NTRK1: variants seen among roughly 807,000 people sequenced by gnomAD.
NTRK1 encodes the protein neurotrophic receptor tyrosine kinase 1.
In NTRK1, 62 loss-of-function variants were observed where a neutral mutation model predicts 86.8. That is an observed-to-expected ratio of 0.71 (90% CI 0.58 to 0.88). The LOEUF (loss-of-function observed/expected upper bound fraction) is 0.88, where lower values mean the gene tolerates loss of function less well. NTRK1 is among the 40% of genes least tolerant of loss of function. NTRK1 has a pLI of 0.00. For missense variants in NTRK1, 967 were observed against 1,078.4 expected (o/e 0.90, Z 1.45); for synonymous variants, 469 against 456.6 (o/e 1.03, Z -0.35).
chr1:156,822,430 G>A (rs889168259), intron 1 of NTRK1, among the ~76,000 whole-genome samples: 1 of 152,082 alleles, frequency 6.6e-6, no homozygotes, highest in African/African-American at 2.4e-5. Flanking sequence ...ATATGGTGGT[G>A]TGCTACTTGT....
intron 1 of NTRK1, among the ~76,000 whole-genome samples, chr1:156,863,973 T>C (rs533085087): frequency 1.4e-4 from 22 of 152,314 alleles, no homozygotes; most frequent in Non-Finnish European, 2.6e-4. Flanking sequence ...GGTGAGCGTG[T>C]TCCTGCAGGC....
At chr1:156,880,780 C>T (rs115590727) in intron 16 of NTRK1, among the ~76,000 whole-genome samples, 2,303 of 152,224 alleles carry the variant, frequency 0.015, 56 homozygotes, top group African/African-American at 0.053. Context: ...GAATTAGTGC[C>T]GCCCATAACC....
intron 1 of NTRK1, chr1:156,840,586 A>G: frequency 4.2e-6 from 2 of 471,048 alleles, no homozygotes; most frequent in East Asian, 3.9e-5. Flanking sequence ...TCCTAGTCTG[A>G]GTGGGGTCCC....
At chr1:156,858,678 A>T, upstream of NTRK1, 1 of 1,475,674 alleles carries the variant, frequency 6.8e-7, no homozygotes, top group Non-Finnish European at 9.5e-7. Flanking sequence ...CTCTGGGGAG[A>T]ACGGTGTGAT....
At chr1:156,841,549 C>T in intron 1 of NTRK1, 1 of 1,614,002 alleles carries the variant, frequency 6.2e-7, no homozygotes, top group South Asian at 1.1e-5. Context: ...GCAGGAGCTC[C>T]TGAGCCCAGC....
At chr1:156,868,027 C>T in intron 4 of NTRK1, 77 bp from the exon 5 acceptor site, 1 of 1,552,300 alleles carries the variant, frequency 6.4e-7, no homozygotes, top group Non-Finnish European at 8.9e-7. Context: ...CTCCCTGCTG[C>T]CTAACTGCTC....
chr1:156,861,802 G>C (rs370477563), intron 1 of NTRK1, among the ~76,000 whole-genome samples: 2 of 152,116 alleles, frequency 1.3e-5, no homozygotes, highest in Admixed American at 1.3e-4. Context: ...TACCTGGGGC[G>C]GGGAGTCAGG....
intron 2 of NTRK1, chr1:156,846,484 C>T (rs771276869): frequency 3.9e-5 from 59 of 1,513,586 alleles, no homozygotes; most frequent in South Asian, 2.6e-4. Flanking sequence ...TGGATGCAGG[C>T]GTCTGACTGA....
At chr1:156,844,261 C>G (rs372329556) in intron 2 of NTRK1, 5 of 1,612,890 alleles carry the variant, frequency 3.1e-6, no homozygotes, top group Non-Finnish European at 4.2e-6. Flanking sequence ...GGACATGCAG[C>G]CCCCCAGCAT....
intron 6 of NTRK1, among the ~76,000 whole-genome samples, chr1:156,871,032 T>C (rs1352635743): frequency 6.6e-6 from 1 of 152,234 alleles, no homozygotes; most frequent in African/African-American, 2.4e-5. Context: ...CATCTCTTTG[T>C]TTCTGATCTT....
chr1:156,840,904 C>T, intron 1 of NTRK1: 3 of 1,613,946 alleles, frequency 1.9e-6, no homozygotes, highest in Non-Finnish European at 2.5e-6. Flanking sequence ...TTGAGGGCTG[C>T]AGTCTCTTGG....
At chr1:156,867,501 T>A (rs1655991634) in intron 4 of NTRK1, among the ~76,000 whole-genome samples, 1 of 152,190 alleles carries the variant, frequency 6.6e-6, no homozygotes, top group African/African-American at 2.4e-5. Context: ...ATTTTTACGT[T>A]ATTTTTTCTT....
Position 156,861,065 on chromosome 1 carries a change from G to A in NTRK1, c.131G>A (p.Gly44Asp), listed in dbSNP as rs1655622492. 2 of 1,568,562 alleles carry A rather than the reference G, an allele frequency of 1.3e-6. No homozygotes were observed. The highest frequency in any genetic ancestry group is 2.3e-5 in the East Asian group (1 of 43,106). The change falls in exon 1 of 17, where the codon GGC becomes GAC. Residue 44 changes from glycine to aspartate, a missense_variant. Gly to Asp is a moderately conservative substitution (Grantham distance 94). Coordinates refer to ENST00000524377, the MANE Select transcript of NTRK1 (RefSeq NM_002529.4). ...APCPDACCPH[G>D]SSGLRCTRDG... Reference sequence around the variant, plus strand: ...TGCCCCGATGCCTGCTGCCCCCACGGCTCCTCGGGACTGCGATGCACCCGG... The same window carrying A: ...TGCCCCGATGCCTGCTGCCCCCACGACTCCTCGGGACTGCGATGCACCCGG...
At chr1:156,835,911 C>T (rs527282379) in intron 1 of NTRK1, among the ~76,000 whole-genome samples, 4 of 152,350 alleles carry the variant, frequency 2.6e-5, no homozygotes, top group African/African-American at 9.6e-5. Flanking sequence ...TTGCCGCCAT[C>T]TAGGGAGGGT....
At position 156,851,820 on chromosome 1, in the gene NTRK1, G is replaced by A. The variant is rs754331636; in HGVS notation, c.50+9627G>A. On this transcript the variant is annotated intron_variant, in intron 2 of 16. Transcript: ENST00000392302. ...GGAGCAAGCAGATGTCCTGAGCCTT[G>A]GACCAGTTTGGGCCTCCTCAGGCCT... 2.5e-6 allele frequency: 4 copies of A among 1,591,954 alleles called. No individual in the cohort carries two copies. In the East Asian group the frequency reaches 9.0e-5, roughly 36 times the overall value.
In NTRK1 at chr1:156,868,592, G is replaced by T. The variant is rs369478563; in HGVS notation, c.662G>T (p.Gly221Val). ...CTGCGGTGCCAGGTGGAGGGGCGGGGCCTGGAGCAGGCCGGCTGGATCCTC... is the reference window on the plus strand; with the variant it reads ...CTGCGGTGCCAGGTGGAGGGGCGGGTCCTGGAGCAGGCCGGCTGGATCCTC... Reference protein sequence around the residue: ...VLLRCQVEGRGLEQAGWILTE... With the variant: ...VLLRCQVEGRVLEQAGWILTE... The change falls in exon 6 of 17, where the codon GGC becomes GTC. Residue 221 changes from glycine to valine, a missense_variant. Physicochemically the swap from Gly to Val is moderately radical, Grantham distance 109. This residue lies in a region of NTRK1 where 330 missense variants were observed against 302.0 expected (regional missense o/e 1.09). Coordinates refer to ENST00000524377, the MANE Select transcript of NTRK1 (RefSeq NM_002529.4). 2.2e-5 allele frequency: 34 copies of T among 1,551,642 alleles called. No homozygotes were observed. The highest frequency in any genetic ancestry group is 2.7e-5 in the Non-Finnish European group (31 of 1,147,360).
rs149663928 is a variant in NTRK1, at chr1:156,879,159, G to T, written c.1843G>T (p.Glu615Ter). 1.2e-6 allele frequency: 2 copies of T among 1,613,860 alleles called. No individual in the cohort carries two copies. Among genetic ancestry groups the T allele is most frequent in the Non-Finnish European group, 1.7e-6 (2 of 1,179,836 alleles). The change falls in exon 15 of 17, where the codon GAG becomes TAG. Residue 615 changes from glutamate to a stop codon, truncating the protein, a stop_gained. Transcript: ENST00000524377. LOFTEE classifies it high-confidence loss of function. ...TGATGCCAAGCTGCTGGCTGGTGGG[G>T]AGGATGTGGCTCCAGGCCCCCTGGG... ...GPDAKLLAGG[E>*]DVAPGPLGLG...
chr1:156,874,490 C>T (rs1227164549), intron 9 of NTRK1, 81 bp from the exon 10 acceptor site: 2 of 1,611,336 alleles, frequency 1.2e-6, no homozygotes, highest in Middle Eastern at 3.3e-4. Flanking sequence ...CCCTGAGAGA[C>T]CAGCTGGGGC....
rs753234191 is a variant in NTRK1, at chr1:156,873,970, C to T, written c.1177+11C>T. On this transcript the variant is annotated intron_variant, in intron 8 of 16. Transcript: ENST00000524377. ...AGGACCCCATCCCTGGTGCGAGGGCCATCCTGAACCCTGCCCCCACTCCTG... is the reference window on the plus strand; with the variant it reads ...AGGACCCCATCCCTGGTGCGAGGGCTATCCTGAACCCTGCCCCCACTCCTG... 4.5e-6 allele frequency: 7 copies of T among 1,551,542 alleles called. No individual in the cohort carries two copies. The South Asian group carries it at 8.3e-5, about 18-fold the overall frequency.
Sources: allele counts gnomAD v4.1 joint callset (sites outside exome capture counted in the v4.1 genomes callset), GRCh38; gene constraint gnomAD v4.1.1; regional missense constraint gnomAD v4.1.1; transcripts MANE v1.5; gene names NCBI Gene and HGNC (gene_info 2026-07-23, HGNC 2026-07-21).